The following CTNNA2 variants were observed in gnomAD, a reference collection of about 807,000 sequenced individuals.
The protein encoded by CTNNA2 is catenin alpha 2.
CTNNA2 carries 42 observed loss-of-function variants against 101.0 expected under a neutral mutation model. That is an observed-to-expected ratio of 0.42 (90% CI 0.32 to 0.54). The LOEUF is 0.54. Among genes scored for constraint, CTNNA2 ranks in the 20% least tolerant of loss-of-function variants. The probability of loss-of-function intolerance (pLI) is 0.14; values close to 1 mark genes in which losing one functional copy is unlikely to be tolerated. For synonymous variants in CTNNA2, 450 were observed against 456.4 expected (o/e 0.99, Z 0.18); for missense variants, 871 against 1,223.1 (o/e 0.71, Z 4.29).
intron 2 of CTNNA2, among the ~76,000 whole-genome samples, chr2:79,670,296 C>G (rs1323529009): frequency 6.6e-6 from 1 of 152,204 alleles, no homozygotes; most frequent in African/African-American, 2.4e-5. Flanking sequence ...TTCCTCACTC[C>G]CTACAAGAGC....
At chr2:79,991,941 ATGTTT>A (rs1436306994) in intron 7 of CTNNA2, among the ~76,000 whole-genome samples, 1 of 152,164 alleles carries the variant, frequency 6.6e-6, no homozygotes, top group Non-Finnish European at 1.5e-5. Context: ...ATTTATTTAG[ATGTTT>A]TGTTTTAAAA....
intron 4 of CTNNA2, among the ~76,000 whole-genome samples, chr2:79,864,993 A>C (rs1681922529): frequency 6.6e-6 from 1 of 152,210 alleles, no homozygotes; most frequent in Non-Finnish European, 1.5e-5. Context: ...AGAAGAACTC[A>C]ATGACACTGG....
chr2:79,248,822 T>C (rs1674731061), intron 2 of CTNNA2, among the ~76,000 whole-genome samples: 1 of 152,222 alleles, frequency 6.6e-6, no homozygotes, highest in South Asian at 2.1e-4. Context: ...ACAGCAAGGC[T>C]GTATGTGTAT....
intron 7 of CTNNA2, among the ~76,000 whole-genome samples, chr2:80,277,640 C>G (rs964743709): frequency 2.0e-5 from 3 of 150,814 alleles, no homozygotes; most frequent in Non-Finnish European, 4.4e-5. Context: ...TAGGGACCTT[C>G]TGGTGAGAGG....
intron 7 of CTNNA2, among the ~76,000 whole-genome samples, chr2:79,933,504 G>C (rs1237317635): frequency 6.6e-6 from 1 of 151,288 alleles, no homozygotes; most frequent in Admixed American, 6.6e-5. Context: ...GCCCAGGCTG[G>C]AGTACAATGG....
chr2:79,728,953 A>G (rs1312659872), intron 2 of CTNNA2, among the ~76,000 whole-genome samples: 1 of 152,172 alleles, frequency 6.6e-6, no homozygotes, highest in Non-Finnish European at 1.5e-5. Context: ...TTTTGGTACC[A>G]GTACCATGCT....
rs1023996417 is a variant in CTNNA2 at position 79,626,256 on chromosome 2, G to A, written c.-5-25296G>A. ...TGTGCTCTGTTCTTAGATGCAGAAGGCACAACCAGGGAGCAGTGGTCCCAG... is the reference window on the plus strand; with the variant it reads ...TGTGCTCTGTTCTTAGATGCAGAAGACACAACCAGGGAGCAGTGGTCCCAG... On this transcript the variant is annotated intron_variant, in intron 1 of 18. Coordinates refer to ENST00000402739, the MANE Select transcript of CTNNA2 (RefSeq NM_001282597.3). Among the ~76,000 whole-genome samples the A allele has an allele frequency of 3.3e-5, 5 of 152,154 alleles. No homozygotes were observed. The East Asian group carries it at 7.7e-4, about 23-fold the overall frequency.
intron 1 of CTNNA2, among the ~76,000 whole-genome samples, chr2:79,543,725 A>G (rs970916577): frequency 1.3e-5 from 2 of 152,228 alleles, no homozygotes; most frequent in Admixed American, 1.3e-4. Context: ...ATAGTGCAGA[A>G]CTACCTGGAA....
chr2:80,487,674 T>A (rs1686704614), intron 9 of CTNNA2, among the ~76,000 whole-genome samples: 1 of 152,186 alleles, frequency 6.6e-6, no homozygotes, highest in Non-Finnish European at 1.5e-5. Context: ...AAGGTGAGAT[T>A]TCAGTGGGGA....
intron 2 of CTNNA2, among the ~76,000 whole-genome samples, chr2:79,692,997 A>G (rs576275121): frequency 1.3e-5 from 2 of 152,144 alleles, no homozygotes; most frequent in East Asian, 3.9e-4. Flanking sequence ...AGTTCTGCAC[A>G]TGTATCTCAG....
chr2:79,930,264 AAGAAAGAAAGAAAGAGAG>A (rs1480731745), intron 7 of CTNNA2, among the ~76,000 whole-genome samples: 57 of 128,188 alleles, frequency 4.4e-4, no homozygotes, highest in African/African-American at 1.6e-3. Context: ...GAAAGAAAGA[AAGAAAGAAAGAAAGAGAG>A]AGAGAGAGAA....
intron 1 of CTNNA2, among the ~76,000 whole-genome samples, chr2:79,539,905 C>A (rs2103982457): frequency 6.6e-6 from 1 of 152,276 alleles, no homozygotes; most frequent in South Asian, 2.1e-4. Context: ...GAAGGTCTTT[C>A]TGTGACTGCC....
At chr2:80,075,574 T>TAATATTTATACATGTATAAATGTA (rs1698633350) in intron 7 of CTNNA2, among the ~76,000 whole-genome samples, 1 of 125,008 alleles carries the variant, frequency 8.0e-6, no homozygotes, top group African/African-American at 3.1e-5. Context: ...TATTATAAAA[T>TAATATTTATACATGTATAAATGTA]AATATTTATA....
intron 1 of CTNNA2, among the ~76,000 whole-genome samples, chr2:79,566,878 C>G (rs1675149075): frequency 6.6e-6 from 1 of 152,068 alleles, no homozygotes; most frequent in African/African-American, 2.4e-5. Flanking sequence ...TCTATATTTA[C>G]AACTCTCATT....
intron 7 of CTNNA2, among the ~76,000 whole-genome samples, chr2:80,337,370 A>C (rs1264377605): frequency 6.6e-6 from 1 of 151,660 alleles, no homozygotes; most frequent in African/African-American, 2.4e-5. Flanking sequence ...AAAACCAACC[A>C]AACAAACAAA....
chr2:79,469,278 G>C lies in CTNNA2; in HGVS notation c.-134-35776G>C, dbSNP rs527578789. ...CTACGCAAATAAACTAGAAAATCTA[G>C]AAGAAATGGATACATTCCTCGACAC... On this transcript the variant is annotated intron_variant, in intron 4 of 21. Coordinates refer to the CTNNA2 transcript ENST00000466387. Among the ~76,000 whole-genome samples, 87 of 152,224 alleles carry C rather than the reference G, an allele frequency of 5.7e-4. 1 individual carries two copies. The highest frequency in any genetic ancestry group is 2.1e-3 in the African/African-American group (86 of 41,544).
At chr2:80,075,807 TA>T (rs1298184886) in intron 7 of CTNNA2, among the ~76,000 whole-genome samples, 43 of 142,954 alleles carry the variant, frequency 3.0e-4, no homozygotes, top group African/African-American at 9.2e-4. Flanking sequence ...ATAAATATTA[TA>T]AAAATAATAT....
At chr2:80,317,446 T>C (rs1361807584) in intron 7 of CTNNA2, among the ~76,000 whole-genome samples, 1 of 152,118 alleles carries the variant, frequency 6.6e-6, no homozygotes, top group African/African-American at 2.4e-5. Flanking sequence ...ACAGCTGGTA[T>C]TGATGATATA....
chr2:80,066,748 G>A (rs1900270), intron 7 of CTNNA2, among the ~76,000 whole-genome samples: 92,146 of 152,042 alleles, frequency 0.61, 29,175 homozygotes, highest in Non-Finnish European at 0.71. Flanking sequence ...TATATCCAAA[G>A]TAAATGAAAT....
Sources: gnomAD v4.1 joint callset for allele counts (sites outside exome capture counted in the v4.1 genomes callset) on GRCh38, gnomAD v4.1.1 for gene constraint, MANE v1.5 for transcripts, NCBI Gene and HGNC (gene_info 2026-07-23, HGNC 2026-07-21) for gene names.